The following C13orf42 variants were observed in gnomAD, a reference collection of about 807,000 sequenced individuals.
C13orf42 encodes the protein uncharacterized protein C13orf42.
At chr13:51,086,488 AAG>A (rs1384204307) in intron 2 of C13orf42, among the ~76,000 whole-genome samples, 13 of 150,294 alleles carry the variant, frequency 8.6e-5, no homozygotes, top group Admixed American at 2.6e-4. Flanking sequence ...GTGTGTGTGT[AAG>A]AGAGTGTGTG....
At chr13:51,166,376 A>G (rs1953901921) in intron 1 of C13orf42, among the ~76,000 whole-genome samples, 1 of 141,618 alleles carries the variant, frequency 7.1e-6, no homozygotes, top group Admixed American at 7.6e-5. Context: ...TCTCACTCAT[A>G]GGTGGGAATT....
rs919389973 is a variant in C13orf42 at position 51,083,341 on chromosome 13, T to A, written c.*810A>T. ...TACCAAAAGAACGTAATGATTCTGA[T>A]TGTTCTCTTAACTGGGGAAAGGGAA... On this transcript the variant is annotated 3_prime_UTR_variant, in exon 4 of 4. Transcript: ENST00000563710. The A allele has an allele frequency of 6.6e-6, 1 of 152,246 alleles. No individual in the cohort carries two copies. The highest frequency in any genetic ancestry group is 2.1e-4 in the South Asian group (1 of 4,832). 9.4% of individuals were successfully genotyped at this position (152,246 alleles called of 1,614,324 possible).
chr13:51,102,729 C>T (rs1160559091), intron 1 of C13orf42, among the ~76,000 whole-genome samples: 1 of 152,134 alleles, frequency 6.6e-6, no homozygotes, highest in African/African-American at 2.4e-5. Flanking sequence ...GTTCACACTG[C>T]TATTAAAGAA....
chr13:51,163,336 CATG>C (rs763787863), intron 1 of C13orf42, among the ~76,000 whole-genome samples: 4 of 152,124 alleles, frequency 2.6e-5, no homozygotes, highest in Non-Finnish European at 4.4e-5. Flanking sequence ...CAGTCTGTTA[CATG>C]ATATTTCATC....
intron 3 of C13orf42, among the ~76,000 whole-genome samples, chr13:51,085,005 G>A (rs1260658418): frequency 2.0e-5 from 3 of 151,970 alleles, no homozygotes; most frequent in Non-Finnish European, 4.4e-5. Flanking sequence ...CATGCCATGC[G>A]TCAATGGCAC....
At chr13:51,155,413 T>G (rs1953816968) in intron 1 of C13orf42, among the ~76,000 whole-genome samples, 1 of 152,190 alleles carries the variant, frequency 6.6e-6, no homozygotes, top group Admixed American at 6.5e-5. Context: ...TCCAAGAAAA[T>G]TGCTTCATGC....
intron 1 of C13orf42, among the ~76,000 whole-genome samples, chr13:51,096,147 CAG>C (rs1953232639): frequency 1.3e-5 from 2 of 152,286 alleles, no homozygotes; most frequent in South Asian, 2.1e-4. Flanking sequence ...GCTAATTTTC[CAG>C]AGAGTTTGTC....
At chr13:51,165,960 G>A (rs1953899115) in intron 1 of C13orf42, among the ~76,000 whole-genome samples, 1 of 152,060 alleles carries the variant, frequency 6.6e-6, no homozygotes, top group Admixed American at 6.5e-5. Flanking sequence ...CCAGGCTCAG[G>A]GCCAGATGTT....
intron 1 of C13orf42, among the ~76,000 whole-genome samples, chr13:51,104,223 A>G (rs1953324086): frequency 1.3e-5 from 2 of 152,260 alleles, no homozygotes; most frequent in Admixed American, 6.5e-5. Context: ...TTAGGGCTTA[A>G]TAATCCTTTG....
At chr13:51,139,848 T>C (rs532079128) in intron 1 of C13orf42, among the ~76,000 whole-genome samples, 1 of 152,338 alleles carries the variant, frequency 6.6e-6, no homozygotes, top group Non-Finnish European at 1.5e-5. Context: ...CTGCTCTGCC[T>C]ATGGACTAGC....
At chr13:51,166,591 T>TAA (rs5803556) in intron 1 of C13orf42, among the ~76,000 whole-genome samples, 65 of 141,308 alleles carry the variant, frequency 4.6e-4, no homozygotes, top group Non-Finnish European at 7.5e-4. Flanking sequence ...CTTAAAGTAT[T>TAA]AAAAAAAAAA....
chr13:51,163,548 T>C (rs749769266), intron 1 of C13orf42, among the ~76,000 whole-genome samples: 12 of 152,148 alleles, frequency 7.9e-5, no homozygotes, highest in Non-Finnish European at 1.8e-4. Flanking sequence ...GCAGTTTCTA[T>C]AGTATTTTCA....
chr13:51,110,448 A>G (rs181930027), intron 1 of C13orf42, among the ~76,000 whole-genome samples: 1 of 152,292 alleles, frequency 6.6e-6, no homozygotes, highest in Non-Finnish European at 1.5e-5. Context: ...TTAAAAATAA[A>G]CATGGATCAA....
At chr13:51,084,914 G>A (rs2137970925) in intron 3 of C13orf42, among the ~76,000 whole-genome samples, 1 of 152,310 alleles carries the variant, frequency 6.6e-6, no homozygotes, top group Middle Eastern at 3.4e-3. Flanking sequence ...GCATTTTAGA[G>A]AGGGGCATCT....
At chr13:51,128,416 C>A (rs780390007) in intron 1 of C13orf42, among the ~76,000 whole-genome samples, 3 of 152,268 alleles carry the variant, frequency 2.0e-5, no homozygotes, top group East Asian at 1.9e-4. Flanking sequence ...AGGAAATAGA[C>A]GGCAGCACTG....
At chr13:51,117,478 A>G (rs1171881229) in intron 1 of C13orf42, among the ~76,000 whole-genome samples, 2 of 152,230 alleles carry the variant, frequency 1.3e-5, no homozygotes, top group African/African-American at 4.8e-5. Context: ...GAACTTTTAG[A>G]AAAAAGATAT....
intron 1 of C13orf42, among the ~76,000 whole-genome samples, chr13:51,094,497 T>G (rs1435721290): frequency 6.6e-6 from 1 of 152,214 alleles, no homozygotes; most frequent in African/African-American, 2.4e-5. Flanking sequence ...CCTCTTTGCT[T>G]TAGACAATTA....
intron 1 of C13orf42, among the ~76,000 whole-genome samples, chr13:51,170,650 G>GA (rs1165933285): frequency 0.014 from 2 of 146 alleles, no homozygotes; most frequent in Non-Finnish European, 0.026. Flanking sequence ...GTCACGGGCT[G>GA]GGAAGGCAGC....
At chr13:51,145,143 CTCTTTT>C (rs1366164666) in intron 1 of C13orf42, among the ~76,000 whole-genome samples, 1 of 151,724 alleles carries the variant, frequency 6.6e-6, no homozygotes, top group Non-Finnish European at 1.5e-5. Flanking sequence ...TTTTTTCCTT[CTCTTTT>C]TCATTTTTCC....
Sources: allele counts gnomAD v4.1 joint callset (sites outside exome capture counted in the v4.1 genomes callset), GRCh38; gene constraint gnomAD v4.1.1; transcripts MANE v1.5; gene names NCBI Gene and HGNC (gene_info 2026-07-23, HGNC 2026-07-21).